ADGRL3: variants seen among roughly 807,000 people sequenced by gnomAD.
ADGRL3 encodes the protein adhesion G protein-coupled receptor L3.
ADGRL3 carries 62 observed loss-of-function variants against 153.5 expected under a neutral mutation model. The ratio of observed to expected loss-of-function variants is 0.40; its 90% confidence interval spans 0.33 to 0.50. ADGRL3 has a LOEUF of 0.50. Among genes scored for constraint, ADGRL3 ranks in the 20% least tolerant of loss-of-function variants. The probability of loss-of-function intolerance (pLI) is 0.47; values close to 1 mark genes in which losing one functional copy is unlikely to be tolerated. For synonymous variants in ADGRL3, 710 were observed against 672.5 expected (o/e 1.06, Z -0.86); for missense variants, 1,641 against 1,859.4 (o/e 0.88, Z 2.16).
chr4:61,245,203 G>A (rs1756562647), intron 1 of ADGRL3, among the ~76,000 whole-genome samples: 1 of 151,986 alleles, frequency 6.6e-6, no homozygotes, highest in South Asian at 2.1e-4. Context: ...AGACAGACTT[G>A]TGGATCAGTG....
intron 1 of ADGRL3, among the ~76,000 whole-genome samples, chr4:61,288,352 A>T (rs1325634505): frequency 6.9e-6 from 1 of 144,506 alleles, no homozygotes; most frequent in Non-Finnish European, 1.5e-5. Flanking sequence ...GGTCCCTGTG[A>T]TGGTTTGGCC....
intron 4 of ADGRL3, among the ~76,000 whole-genome samples, chr4:61,564,052 C>A (rs750527688): frequency 2.6e-5 from 4 of 152,100 alleles, no homozygotes; most frequent in African/African-American, 9.7e-5. Context: ...GAACCAACTT[C>A]TGCTAGCTTC....
At position 61,751,824 on chromosome 4, in the gene ADGRL3, A is replaced by G. The variant is rs1408400931; in HGVS notation, c.1399+18270A>G. Among the ~76,000 whole-genome samples the G allele has an allele frequency of 2.6e-5, 4 of 152,154 alleles. 1 individual carries two copies. The highest frequency in any genetic ancestry group is 5.9e-5 in the Non-Finnish European group (4 of 68,012). On this transcript the variant is annotated intron_variant, in intron 8 of 26. Coordinates refer to ENST00000683033, the MANE Select transcript of ADGRL3 (RefSeq NM_001387552.1). The stretch of plus-strand genomic sequence containing the variant: ...CACTCTCATGCTTATATCTATGAGC[A>G]GGATTGACAAAATGGTGGAAATGGT...
At position 61,864,349 on chromosome 4, in the gene ADGRL3, A is replaced by G. The variant is rs1278191349; in HGVS notation, c.1481-28307A>G. Among the ~76,000 whole-genome samples, 6 of 152,212 alleles carry G rather than the reference A, an allele frequency of 3.9e-5. No individual in the cohort carries two copies. The East Asian group carries it at 1.2e-3, about 29-fold the overall frequency. ...TTTCCCCATTGGATTTAAGCTCCAGATCAGAGCATGAAGGCAAACTAACTA... is the reference window on the plus strand; with the variant it reads ...TTTCCCCATTGGATTTAAGCTCCAGGTCAGAGCATGAAGGCAAACTAACTA... On this transcript the variant is annotated intron_variant, in intron 9 of 26. Coordinates refer to ENST00000683033, the MANE Select transcript of ADGRL3 (RefSeq NM_001387552.1).
chr4:61,562,383 T>C lies in ADGRL3; in HGVS notation c.260-24844T>C, dbSNP rs377740732. 2.6e-5 allele frequency among the ~76,000 whole-genome samples: 4 copies of C among 152,272 alleles called. No individual in the cohort carries two copies. The East Asian group carries it at 7.7e-4, about 29-fold the overall frequency. On this transcript the variant is annotated intron_variant, in intron 4 of 26. Coordinates refer to ENST00000683033, the MANE Select transcript of ADGRL3 (RefSeq NM_001387552.1). ...TTTGTTATATGGATTGACTCTCCCT[T>C]TCACACAATATTTCTTTGTAGTATG...
At chr4:61,356,066 T>C (rs934661862) in intron 1 of ADGRL3, among the ~76,000 whole-genome samples, 5 of 152,054 alleles carry the variant, frequency 3.3e-5, no homozygotes, top group African/African-American at 1.2e-4. Context: ...TATTTACGAA[T>C]GGTGAAGATG....
intron 17 of ADGRL3, among the ~76,000 whole-genome samples, chr4:61,975,581 C>T (rs562279913): frequency 1.3e-4 from 20 of 152,166 alleles, no homozygotes; most frequent in African/African-American, 2.4e-4. Context: ...GGAGCAATGT[C>T]GTGTGACTTA....
chr4:61,585,240 T>A (rs1470970893), intron 4 of ADGRL3, among the ~76,000 whole-genome samples: 1 of 152,010 alleles, frequency 6.6e-6, no homozygotes, highest in African/African-American at 2.4e-5. Flanking sequence ...TTGAATAACT[T>A]CAAGTGACCT....
intron 13 of ADGRL3, among the ~76,000 whole-genome samples, chr4:61,914,554 G>A (rs2098736796): frequency 6.6e-6 from 1 of 152,064 alleles, no homozygotes; most frequent in Admixed American, 6.6e-5. Context: ...GGGGAACTTA[G>A]CAAGGCATTT....
intron 1 of ADGRL3, among the ~76,000 whole-genome samples, chr4:61,213,913 T>A (rs1383499291): frequency 2.6e-5 from 4 of 152,148 alleles, no homozygotes; most frequent in Admixed American, 2.0e-4. Flanking sequence ...GAGTAAATAA[T>A]CATTTGACTT....
intron 9 of ADGRL3, among the ~76,000 whole-genome samples, chr4:61,829,622 G>T (rs1400850982): frequency 6.6e-6 from 1 of 152,122 alleles, no homozygotes; most frequent in Non-Finnish European, 1.5e-5. Context: ...ACAATAATGT[G>T]CATATAGTTA....
At chr4:61,980,723 G>A (rs181423001) in intron 18 of ADGRL3, among the ~76,000 whole-genome samples, 481 of 152,246 alleles carry the variant, frequency 3.2e-3, no homozygotes, top group Non-Finnish European at 5.3e-3. Context: ...TTACAGGTGT[G>A]AGGCACCATG....
intron 18 of ADGRL3, 114 bp downstream of exon 18, chr4:61,979,886 T>C: frequency 1.1e-6 from 1 of 903,932 alleles, no homozygotes; most frequent in Non-Finnish European, 1.7e-6. Flanking sequence ...TCATCTAAGA[T>C]AGATACTAAT....
chr4:61,450,524 C>A (rs2097660846), intron 2 of ADGRL3, among the ~76,000 whole-genome samples: 1 of 152,094 alleles, frequency 6.6e-6, no homozygotes, highest in East Asian at 1.9e-4. Context: ...AGTTCTTTTA[C>A]ACTTAATATA....
intron 17 of ADGRL3, among the ~76,000 whole-genome samples, chr4:61,978,641 A>C (rs1299332709): frequency 1.3e-5 from 2 of 151,948 alleles, no homozygotes; most frequent in Non-Finnish European, 2.9e-5. Flanking sequence ...AAAATATCTT[A>C]AGGTGGAAAT....
chr4:61,646,798 G>A (rs1560994004), intron 5 of ADGRL3, among the ~76,000 whole-genome samples: 1 of 152,174 alleles, frequency 6.6e-6, no homozygotes, highest in Non-Finnish European at 1.5e-5. Context: ...GCTGTGGTGG[G>A]CTCCACCCAG....
At position 61,934,847 on chromosome 4, in the gene ADGRL3, T is replaced by A; in HGVS notation, c.2120T>A (p.Val707Asp). The change falls in exon 14 of 27, where the codon GTC (valine) becomes GAC (aspartate). Residue 707 changes from valine to aspartate, a missense_variant. By Grantham distance (152) the Val-to-Asp change is radical (BLOSUM62 -3). Around this residue, in one of 5 missense-constraint regions of ADGRL3, gnomAD observed 734 missense variants for 797.0 expected, o/e 0.92. Coordinates refer to ENST00000683033, the MANE Select transcript of ADGRL3 (RefSeq NM_001387552.1). ...CTTTTCATCCTCTTGTAGGCAATGGTCGAGACAGTTAACAACCTCCTTCAG... is the reference window on the plus strand; with the variant it reads ...CTTTTCATCCTCTTGTAGGCAATGGACGAGACAGTTAACAACCTCCTTCAG... ...RSCRAYVQAM[V>D]ETVNNLLQPQ... is the part of the protein sequence containing the mutation. 6.2e-7 allele frequency: 1 copy of A among 1,613,344 alleles called. No homozygotes were observed. The highest frequency in any genetic ancestry group is 8.5e-7 in the Non-Finnish European group (1 of 1,179,612).
At chr4:61,773,700 C>T (rs545221566) in intron 8 of ADGRL3, among the ~76,000 whole-genome samples, 4 of 152,144 alleles carry the variant, frequency 2.6e-5, no homozygotes, top group Admixed American at 1.3e-4. Flanking sequence ...TGGTGGGGCC[C>T]AGCAAATTAG....
At chr4:61,269,643 C>T (rs2093046127) in intron 1 of ADGRL3, among the ~76,000 whole-genome samples, 1 of 151,744 alleles carries the variant, frequency 6.6e-6, no homozygotes, top group African/African-American at 2.4e-5. Flanking sequence ...ATGCTCTATT[C>T]AAGTAACAAA....
Sources: gnomAD v4.1 joint callset for allele counts (sites outside exome capture counted in the v4.1 genomes callset) on GRCh38, gnomAD v4.1.1 for gene constraint, gnomAD v4.1.1 regional missense constraint, MANE v1.5 for transcripts, NCBI Gene and HGNC (gene_info 2026-07-23, HGNC 2026-07-21) for gene names.